EPB41L2: variants seen among roughly 807,000 people sequenced by gnomAD.
EPB41L2 encodes erythrocyte membrane protein band 4.1 like 2, also known as band 4.1-like protein 2.
EPB41L2 carries 43 observed loss-of-function variants against 113.0 expected under a neutral mutation model. That is an observed-to-expected ratio of 0.38 (90% CI 0.30 to 0.49). The LOEUF (loss-of-function observed/expected upper bound fraction) is 0.49. Ranked by LOEUF, EPB41L2 falls within the 20% of genes least tolerant of loss-of-function variation. EPB41L2 has a pLI of 0.95. For missense variants in EPB41L2, 1,147 were observed against 1,223.4 expected (o/e 0.94, Z 0.93); for synonymous variants, 442 against 436.7 (o/e 1.01, Z -0.15).
intron 1 of EPB41L2, among the ~76,000 whole-genome samples, chr6:131,059,347 C>G (rs1055989784): frequency 6.6e-6 from 1 of 152,196 alleles, no homozygotes; most frequent in Non-Finnish European, 1.5e-5. Flanking sequence ...ATCTCCTGAC[C>G]TCATGATCCA....
chr6:130,986,301 A>G (rs1411977334), intron 1 of EPB41L2, among the ~76,000 whole-genome samples: 2 of 152,224 alleles, frequency 1.3e-5, no homozygotes, highest in Non-Finnish European at 1.5e-5. Context: ...ACTAGGAGTA[A>G]CATTTCTCCA....
At chr6:130,896,264 C>T (rs1016175017) in intron 8 of EPB41L2, among the ~76,000 whole-genome samples, 1 of 152,194 alleles carries the variant, frequency 6.6e-6, no homozygotes, top group Non-Finnish European at 1.5e-5. Flanking sequence ...AATAAAATTA[C>T]ATTAGACCAA....
Position 131,062,203 on chromosome 6 carries a change from T to TAA in EPB41L2, c.-15+950_-15+951dup, listed in dbSNP as rs755575477. On this transcript the variant is annotated intron_variant, in intron 1 of 19. Coordinates refer to ENST00000337057, the MANE Select transcript of EPB41L2 (RefSeq NM_001431.4). ...ACCTCATTTTATTTATACATATATA[T>TAA]AAAAAAAAAAACTTGACCTCAGGGG... Among the ~76,000 whole-genome samples, 344 of 144,364 alleles carry TAA rather than the reference T, an allele frequency of 2.4e-3. 4 individuals are homozygous for TAA. The South Asian group carries it at 0.034, about 14-fold the overall frequency. 94.7% of individuals were successfully genotyped at this position (144,364 alleles called of 152,430 possible).
chr6:130,976,338 TTC>T (rs1265751999), intron 1 of EPB41L2, among the ~76,000 whole-genome samples: 6 of 152,308 alleles, frequency 3.9e-5, no homozygotes, highest in Admixed American at 1.3e-4. Context: ...ACAGTTTAAC[TTC>T]TCTCAGGCTC....
chr6:130,903,676 TA>T (rs66501536), intron 6 of EPB41L2, among the ~76,000 whole-genome samples: 16 of 149,520 alleles, frequency 1.1e-4, no homozygotes, highest in South Asian at 2.1e-4. Flanking sequence ...AATCATCCTT[TA>T]AAAAAAAAAA....
chr6:130,931,742 ACAGGGG>A (rs1213718150), intron 3 of EPB41L2, among the ~76,000 whole-genome samples: 1 of 152,202 alleles, frequency 6.6e-6, no homozygotes, highest in African/African-American at 2.4e-5. Context: ...ATAAAAATGT[ACAGGGG>A]CATGTAAGTT....
chr6:130,898,715 G>GT (rs1262366777), intron 8 of EPB41L2, among the ~76,000 whole-genome samples: 1 of 152,086 alleles, frequency 6.6e-6, no homozygotes, highest in Non-Finnish European at 1.5e-5. Context: ...CAAAAAAAAT[G>GT]TATGTTACTA....
At chr6:130,858,720 G>A (rs912669990) in intron 18 of EPB41L2, among the ~76,000 whole-genome samples, 1 of 152,250 alleles carries the variant, frequency 6.6e-6, no homozygotes, top group Admixed American at 6.5e-5. Context: ...AGAGGACCAG[G>A]CCTTGCTCAT....
At chr6:131,056,284 G>A (rs906281135) in intron 1 of EPB41L2, among the ~76,000 whole-genome samples, 3 of 152,172 alleles carry the variant, frequency 2.0e-5, no homozygotes, top group African/African-American at 7.2e-5. Context: ...GTTATAGAGA[G>A]AAGAAGTTAG....
chr6:130,934,638 A>G (rs2128570567), intron 3 of EPB41L2, among the ~76,000 whole-genome samples: 1 of 152,066 alleles, frequency 6.6e-6, no homozygotes, highest in Admixed American at 6.5e-5. Context: ...ATGCCTGGCT[A>G]ATTTTTAAAA....
chr6:130,866,938 C>T (rs1004277601), intron 16 of EPB41L2, among the ~76,000 whole-genome samples: 12 of 151,932 alleles, frequency 7.9e-5, no homozygotes, highest in Admixed American at 3.3e-4. Flanking sequence ...TAATTCCACA[C>T]GAAGGAGAAG....
At chr6:130,973,389 T>G (rs1405480335) in intron 1 of EPB41L2, among the ~76,000 whole-genome samples, 2 of 152,174 alleles carry the variant, frequency 1.3e-5, no homozygotes, top group African/African-American at 4.8e-5. Context: ...CCAATTTTAT[T>G]CAATTCAGAG....
chr6:131,024,203 C>T (rs1246661266), intron 1 of EPB41L2, among the ~76,000 whole-genome samples: 3 of 151,912 alleles, frequency 2.0e-5, no homozygotes, highest in African/African-American at 7.2e-5. Flanking sequence ...AGAAGGTTGA[C>T]AGGTGAGGAG....
intron 3 of EPB41L2, among the ~76,000 whole-genome samples, chr6:130,932,105 T>C (rs974625048): frequency 5.1e-4 from 77 of 152,172 alleles, no homozygotes; most frequent in African/African-American, 1.8e-3. Flanking sequence ...AAAATAATAA[T>C]TGATTTTAAA....
At chr6:130,841,682 G>GA (rs1562268840) in intron 19 of EPB41L2, among the ~76,000 whole-genome samples, 1 of 152,210 alleles carries the variant, frequency 6.6e-6, no homozygotes, top group Non-Finnish European at 1.5e-5. Flanking sequence ...TGGTGGTTAA[G>GA]AAGTAAGTAT....
rs554837581 is a variant in EPB41L2 at position 131,026,447 on chromosome 6, C to G, written c.-15+36708G>C. ...TATTTGTTTGTGGGAGTTGGGTTTT[C>G]AGTTTTTGTTTTTCTTGCTTGGGGG... On this transcript the variant is annotated intron_variant, in intron 1 of 19. Transcript: ENST00000337057. Among the ~76,000 whole-genome samples the G allele has an allele frequency of 2.0e-5, 3 of 152,256 alleles. No individual in the cohort carries two copies. The East Asian group carries it at 5.8e-4, about 29-fold the overall frequency.
chr6:130,863,593 A>G (rs1348314488), intron 18 of EPB41L2, 45 bp downstream of exon 18: 1 of 1,378,018 alleles, frequency 7.3e-7, no homozygotes, highest in Admixed American at 1.7e-5. Flanking sequence ...TGAAACTTAG[A>G]AAACAAACAG....
intron 12 of EPB41L2, chr6:130,881,646 TAGTAGCACAGA>T (rs1789340218): frequency 6.6e-6 from 1 of 152,110 alleles, no homozygotes; most frequent in Admixed American, 6.5e-5. Context: ...AATGCTGACT[TAGTAGCACAGA>T]GGTAGGATAC....
At chr6:130,885,352 A>T in intron 11 of EPB41L2, 84 bp from the exon 12 acceptor site, 3 of 1,309,756 alleles carry the variant, frequency 2.3e-6, no homozygotes, top group Middle Eastern at 1.9e-4. Context: ...CAGGAGATAA[A>T]CAGGCAGCAT....
Sources: allele counts gnomAD v4.1 joint callset (sites outside exome capture counted in the v4.1 genomes callset), GRCh38; gene constraint gnomAD v4.1.1; transcripts MANE v1.5; gene names NCBI Gene and HGNC (gene_info 2026-07-23, HGNC 2026-07-21).